The following STPG2 variants were observed in gnomAD, a reference collection of about 807,000 sequenced individuals.
The protein encoded by STPG2 is sperm tail PG-rich repeat containing 2, also known as sperm-tail PG-rich repeat-containing protein 2.
In STPG2, 56 loss-of-function variants were observed where a neutral mutation model predicts 54.2. The ratio of observed to expected loss-of-function variants is 1.03; its 90% CI spans 0.83 to 1.29. STPG2 has a LOEUF of 1.29. STPG2 is among the 50% of genes most tolerant of loss of function. The pLI is 0.00. For missense variants in STPG2, 596 were observed against 544.9 expected, an observed-to-expected ratio of 1.09 and a Z score of -0.93; for synonymous variants, 200 against 181.8, an observed-to-expected ratio of 1.10 and a Z score of -0.81.
At chr4:98,050,775 G>T (rs1012718905) in intron 5 of STPG2, among the ~76,000 whole-genome samples, 1 of 152,156 alleles carries the variant, frequency 6.6e-6, no homozygotes, top group Admixed American at 6.5e-5. Flanking sequence ...GGAGGTTGAG[G>T]CGGGTGGATC....
At chr4:97,833,612 C>T (rs1409809855) in intron 9 of STPG2, among the ~76,000 whole-genome samples, 2 of 152,020 alleles carry the variant, frequency 1.3e-5, no homozygotes, top group African/African-American at 4.8e-5. Context: ...ATCCATCTGA[C>T]AAAGGGCTAA....
intron 4 of STPG2, among the ~76,000 whole-genome samples, chr4:97,527,423 C>T (rs1731306036): frequency 6.6e-6 from 1 of 152,096 alleles, no homozygotes; most frequent in Non-Finnish European, 1.5e-5. Context: ...GGGTTCATTC[C>T]AAGTCTTCAC....
intron 5 of STPG2, among the ~76,000 whole-genome samples, chr4:98,049,478 C>CA (rs1303854061): frequency 6.6e-6 from 1 of 152,140 alleles, no homozygotes; most frequent in Non-Finnish European, 1.5e-5. Context: ...TCCCAACTAT[C>CA]AAAAACAGAA....
At chr4:98,101,957 C>G (rs1282622226) in intron 5 of STPG2, among the ~76,000 whole-genome samples, 1 of 148,930 alleles carries the variant, frequency 6.7e-6, no homozygotes, top group Non-Finnish European at 1.5e-5. Context: ...ACTTAACAAT[C>G]TTTATAGCTC....
chr4:98,143,105 TGCCACCTTCA>T lies in STPG2; in HGVS notation c.36_45del (p.Glu13AlafsTer16). 1 of 1,613,980 alleles carries T rather than the reference TGCCACCTTCA, an allele frequency of 6.2e-7. No homozygotes were observed. The highest frequency in any genetic ancestry group is 2.2e-5 in the East Asian group (1 of 44,872). Reference sequence around the variant, plus strand: ...CCAGGACCCACATGGGCCTCAGTGCTGCCACCTTCAGCCAATTTGAGCAGGCGGGGAGCCC... The same window carrying T: ...CCAGGACCCACATGGGCCTCAGTGCTGCCAATTTGAGCAGGCGGGGAGCCC... On this transcript the variant is annotated frameshift_variant, in exon 1 of 11. Transcript: ENST00000295268. LOFTEE classifies it high-confidence loss of function.
intron 4 of STPG2, among the ~76,000 whole-genome samples, chr4:97,456,131 G>T (rs535090572): frequency 3.3e-5 from 5 of 152,280 alleles, no homozygotes; most frequent in South Asian, 4.1e-4. Flanking sequence ...ATTTGTAAAA[G>T]ACATATTTGA....
At chr4:97,842,341 C>T (rs1438701334) in intron 8 of STPG2, among the ~76,000 whole-genome samples, 2 of 151,764 alleles carry the variant, frequency 1.3e-5, no homozygotes, top group Non-Finnish European at 2.9e-5. Flanking sequence ...TGAAAATAAG[C>T]AACAGAGGCA....
chr4:97,649,502 A>G (rs1189939313), intron 10 of STPG2, among the ~76,000 whole-genome samples: 2 of 152,122 alleles, frequency 1.3e-5, no homozygotes, highest in African/African-American at 4.8e-5. Flanking sequence ...GAGATATATT[A>G]TCAAAGTTGG....
intron 9 of STPG2, among the ~76,000 whole-genome samples, chr4:97,770,056 C>T (rs1159816599): frequency 1.3e-5 from 2 of 151,866 alleles, no homozygotes; most frequent in Admixed American, 1.3e-4. Flanking sequence ...ACTAAAAATA[C>T]AAAAATTACA....
intron 4 of STPG2, among the ~76,000 whole-genome samples, chr4:97,540,833 A>G (rs906419982): frequency 6.6e-6 from 1 of 152,038 alleles, no homozygotes; most frequent in Admixed American, 6.6e-5. Context: ...ATCAACAAAC[A>G]TAATCCAGCA....
At chr4:97,811,505 T>TA (rs1343094576) in intron 9 of STPG2, among the ~76,000 whole-genome samples, 2 of 151,826 alleles carry the variant, frequency 1.3e-5, no homozygotes, top group African/African-American at 2.4e-5. Context: ...TTGTCATTTC[T>TA]AAAAAATACA....
intron 8 of STPG2, among the ~76,000 whole-genome samples, chr4:97,922,019 G>A (rs983021602): frequency 6.6e-6 from 1 of 152,158 alleles, no homozygotes; most frequent in Non-Finnish European, 1.5e-5. Context: ...AGGAGCTGGA[G>A]GGCAGGTGAA....
intron 9 of STPG2, among the ~76,000 whole-genome samples, chr4:97,801,637 C>T (rs1018452860): frequency 2.0e-5 from 3 of 152,058 alleles, no homozygotes; most frequent in Non-Finnish European, 2.9e-5. Flanking sequence ...CATATTAAAA[C>T]CCTTTAAAAA....
At chr4:97,991,429 C>A (rs1735006751) in intron 5 of STPG2, among the ~76,000 whole-genome samples, 1 of 127,940 alleles carries the variant, frequency 7.8e-6, no homozygotes, top group South Asian at 2.6e-4. Context: ...GAATACTACT[C>A]AGTGTGTGTG....
intron 10 of STPG2, among the ~76,000 whole-genome samples, chr4:97,578,859 G>T (rs1053094867): frequency 6.6e-6 from 1 of 152,038 alleles, no homozygotes; most frequent in Non-Finnish European, 1.5e-5. Flanking sequence ...TAGGTATTGG[G>T]TTCAAAGCTA....
chr4:97,533,308 T>C (rs1731456581), intron 4 of STPG2, among the ~76,000 whole-genome samples: 1 of 152,164 alleles, frequency 6.6e-6, no homozygotes, highest in Admixed American at 6.5e-5. Context: ...GAATAAACTC[T>C]CATTTTTGAC....
At chr4:98,089,712 C>CTT (rs34882013) in intron 5 of STPG2, among the ~76,000 whole-genome samples, 1 of 146,376 alleles carries the variant, frequency 6.8e-6, no homozygotes, top group African/African-American at 2.5e-5. Flanking sequence ...ATGCCAACAT[C>CTT]TTTTTTTTTT....
intron 5 of STPG2, among the ~76,000 whole-genome samples, chr4:97,986,836 C>T (rs1734845723): frequency 6.6e-6 from 1 of 152,110 alleles, no homozygotes; most frequent in African/African-American, 2.4e-5. Context: ...TTGCTGGCCT[C>T]ACACTATGCC....
At chr4:97,733,458 T>A (rs1259687614) in intron 9 of STPG2, among the ~76,000 whole-genome samples, 1 of 151,422 alleles carries the variant, frequency 6.6e-6, no homozygotes, top group Non-Finnish European at 1.5e-5. Context: ...GGGAGAGGAA[T>A]AGGGATCAAA....
Sources: allele counts gnomAD v4.1 joint callset (sites outside exome capture counted in the v4.1 genomes callset), GRCh38; gene constraint gnomAD v4.1.1; transcripts MANE v1.5; gene names NCBI Gene and HGNC (gene_info 2026-07-23, HGNC 2026-07-21).